Variants in SKAP1 observed in about 807,000 individuals in gnomAD.
SKAP1 encodes src kinase associated phosphoprotein 1, also known as src kinase-associated phosphoprotein 1.
In SKAP1, 44 loss-of-function variants were observed where a neutral mutation model predicts 58.5. The ratio of observed to expected loss-of-function variants is 0.75; its 90% CI spans 0.59 to 0.97. The LOEUF is 0.97. SKAP1 is among the 50% of genes least tolerant of loss of function. The pLI, the probability that SKAP1 is intolerant of heterozygous loss-of-function variation, is 0.00. For synonymous variants in SKAP1, 127 were observed against 149.7 expected (o/e 0.85, Z 1.11); for missense variants, 390 against 435.2 (o/e 0.90, Z 0.92).
At chr17:48,267,511 T>C (rs2065567593) in intron 4 of SKAP1, among the ~76,000 whole-genome samples, 1 of 152,174 alleles carries the variant, frequency 6.6e-6, no homozygotes. Context: ...TACTAATAGA[T>C]ACTCTATACA....
chr17:48,416,138 G>C (rs2067729132), intron 1 of SKAP1, among the ~76,000 whole-genome samples: 2 of 152,034 alleles, frequency 1.3e-5, no homozygotes, highest in Non-Finnish European at 2.9e-5. Flanking sequence ...TCTATGTATT[G>C]ACTTTTAAAA....
At chr17:48,304,141 T>C (rs563434851) in intron 4 of SKAP1, among the ~76,000 whole-genome samples, 9 of 152,318 alleles carry the variant, frequency 5.9e-5, no homozygotes, top group African/African-American at 2.2e-4. Context: ...ATTATATAAC[T>C]AAAGTAACTA....
intron 10 of SKAP1, among the ~76,000 whole-genome samples, chr17:48,166,784 T>G: frequency 6.6e-6 from 1 of 152,104 alleles, no homozygotes; most frequent in Admixed American, 6.5e-5. Flanking sequence ...AGTGACCCAT[T>G]GGAAGTGACT....
intron 5 of SKAP1, 56 bp from the exon 6 acceptor site, chr17:48,187,982 T>C (rs1396806414): frequency 2.3e-6 from 3 of 1,290,636 alleles, no homozygotes; most frequent in Admixed American, 1.7e-5. Flanking sequence ...CATTGAAGAG[T>C]CTGTAAAATC....
chr17:48,290,782 T>G (rs914826736), intron 4 of SKAP1, among the ~76,000 whole-genome samples: 3 of 152,112 alleles, frequency 2.0e-5, no homozygotes, highest in Non-Finnish European at 4.4e-5. Context: ...TGTAACTGGA[T>G]AATTAGGGTT....
chr17:48,377,804 G>A (rs1404081077), intron 2 of SKAP1, among the ~76,000 whole-genome samples: 2 of 152,088 alleles, frequency 1.3e-5, no homozygotes, highest in Non-Finnish European at 2.9e-5. Context: ...GCTGACCAGA[G>A]AAGAAACCAA....
intron 4 of SKAP1, among the ~76,000 whole-genome samples, chr17:48,311,091 C>A (rs912594049): frequency 6.6e-6 from 1 of 152,084 alleles, no homozygotes; most frequent in Non-Finnish European, 1.5e-5. Flanking sequence ...ACCCCGGGAT[C>A]GGGTGAAACT....
At chr17:48,275,400 G>A (rs1290079750) in intron 4 of SKAP1, among the ~76,000 whole-genome samples, 4 of 152,116 alleles carry the variant, frequency 2.6e-5, no homozygotes, top group African/African-American at 9.7e-5. Flanking sequence ...TCCTCTGTCT[G>A]CTTCATCGTA....
At chr17:48,184,917 A>C in intron 6 of SKAP1, 70 bp from the exon 7 acceptor site, 1 of 1,484,082 alleles carries the variant, frequency 6.7e-7, no homozygotes, top group Non-Finnish European at 9.2e-7. Flanking sequence ...CCTCTCTGGT[A>C]TGTAAAATAA....
At chr17:48,205,021 TTC>T (rs1167985372) in intron 4 of SKAP1, among the ~76,000 whole-genome samples, 8 of 30,470 alleles carry the variant, frequency 2.6e-4, no homozygotes, top group Non-Finnish European at 5.1e-4. Flanking sequence ...TTCTTTTTCT[TTC>T]TTTCTTTCTT....
chr17:48,199,148 C>A (rs550401338), intron 4 of SKAP1, among the ~76,000 whole-genome samples: 1 of 152,314 alleles, frequency 6.6e-6, no homozygotes, highest in African/African-American at 2.4e-5. Flanking sequence ...AGAGCCTTGC[C>A]TGGGTTTAGA....
At chr17:48,327,353 C>T (rs928475739) in intron 4 of SKAP1, among the ~76,000 whole-genome samples, 4 of 152,152 alleles carry the variant, frequency 2.6e-5, no homozygotes, top group Admixed American at 6.5e-5. Flanking sequence ...CTGTCAGTTT[C>T]GCTACAGAAA....
chr17:48,160,376 ATCC>A (rs2064051100), intron 11 of SKAP1, among the ~76,000 whole-genome samples: 1 of 151,974 alleles, frequency 6.6e-6, no homozygotes. Context: ...GGGCTCAAGC[ATCC>A]TCCTGCCTCA....
At chr17:48,306,507 GCTGT>G (rs1307395267) in intron 4 of SKAP1, among the ~76,000 whole-genome samples, 2 of 152,122 alleles carry the variant, frequency 1.3e-5, no homozygotes, top group Non-Finnish European at 2.9e-5. Context: ...ATTTGTCACT[GCTGT>G]CTAATTGTTC....
At chr17:48,365,450 T>C (rs1367097274) in intron 2 of SKAP1, among the ~76,000 whole-genome samples, 1 of 152,194 alleles carries the variant, frequency 6.6e-6, no homozygotes, top group Admixed American at 6.5e-5. Context: ...ATTTTTCTCT[T>C]GTCTGTATTC....
intron 4 of SKAP1, among the ~76,000 whole-genome samples, chr17:48,247,240 A>G (rs566697119): frequency 2.0e-5 from 3 of 152,348 alleles, no homozygotes; most frequent in African/African-American, 7.2e-5. Flanking sequence ...CCTATTAGTC[A>G]CATTCCATTG....
intron 4 of SKAP1, among the ~76,000 whole-genome samples, chr17:48,325,719 T>C (rs2066428766): frequency 6.6e-6 from 1 of 152,226 alleles, no homozygotes; most frequent in Non-Finnish European, 1.5e-5. Flanking sequence ...ATTTCAATTC[T>C]AGATATAATG....
At chr17:48,237,766 C>T (rs907291932) in intron 4 of SKAP1, among the ~76,000 whole-genome samples, 4 of 151,992 alleles carry the variant, frequency 2.6e-5, no homozygotes, top group African/African-American at 9.7e-5. Context: ...GTTTTGTGAC[C>T]AATGAAATGC....
intron 4 of SKAP1, among the ~76,000 whole-genome samples, chr17:48,291,586 T>C (rs1013081256): frequency 2.0e-5 from 3 of 152,204 alleles, no homozygotes; most frequent in Non-Finnish European, 4.4e-5. Context: ...ACACTTGTGT[T>C]TGAGGTGCTC....
Sources: allele counts gnomAD v4.1 joint callset (sites outside exome capture counted in the v4.1 genomes callset), GRCh38; gene constraint gnomAD v4.1.1; transcripts MANE v1.5; gene names NCBI Gene and HGNC (gene_info 2026-07-23, HGNC 2026-07-21).